The following SGMS1 variants were observed in gnomAD, a reference collection of about 807,000 sequenced individuals.
SGMS1 encodes phosphatidylcholine:ceramide cholinephosphotransferase 1.
SGMS1 carries 13 observed loss-of-function variants against 46.2 expected under a neutral mutation model. The ratio of observed to expected loss-of-function variants is 0.28; its 90% CI spans 0.18 to 0.45. The LOEUF is 0.45. Ranked by LOEUF, SGMS1 falls within the 20% of genes least tolerant of loss-of-function variation. SGMS1 has a pLI of 1.00. For synonymous variants in SGMS1, 203 were observed against 187.8 expected (o/e 1.08, Z -0.66); for missense variants, 324 against 519.9 (o/e 0.62, Z 3.66).
chr10:50,322,756 C>T (rs1320310987), intron 8 of SGMS1, among the ~76,000 whole-genome samples: 7 of 145,148 alleles, frequency 4.8e-5, no homozygotes, highest in South Asian at 2.3e-4. Context: ...GGCGTGAACC[C>T]GGGAAGCGGA....
chr10:50,412,025 G>A (rs570211989), intron 6 of SGMS1, among the ~76,000 whole-genome samples: 1 of 152,286 alleles, frequency 6.6e-6, no homozygotes, highest in South Asian at 2.1e-4. Context: ...TGCCCCTTAT[G>A]CTGGAACTGC....
chr10:50,444,333 T>C (rs1261064367), intron 5 of SGMS1, among the ~76,000 whole-genome samples: 3 of 152,066 alleles, frequency 2.0e-5, no homozygotes, highest in African/African-American at 7.2e-5. Context: ...AAAAGAAGAC[T>C]ACAGACTTAT....
rs77435774 is a variant in SGMS1, at chr10:50,525,015, C to T, written c.-588-5094G>A. 9.7e-3 allele frequency among the ~76,000 whole-genome samples: 1,475 copies of T among 152,160 alleles called. 20 individuals are homozygous for T. Among genetic ancestry groups the T allele is most frequent in the African/African-American group, 0.032 (1,342 of 41,516 alleles). On this transcript the variant is annotated intron_variant, in intron 2 of 10. Transcript: ENST00000361781. ...CAATTTCTAAGAATCAAGTAATATACACATGGCTCAAGCAAAATAATGTTT... is the reference window on the plus strand; with the variant it reads ...CAATTTCTAAGAATCAAGTAATATATACATGGCTCAAGCAAAATAATGTTT...
intron 6 of SGMS1, among the ~76,000 whole-genome samples, chr10:50,381,966 C>T (rs1323203774): frequency 6.6e-6 from 1 of 152,184 alleles, no homozygotes; most frequent in Non-Finnish European, 1.5e-5. Context: ...CACTCTGGGT[C>T]TCTTTCTAGC....
intron 6 of SGMS1, among the ~76,000 whole-genome samples, chr10:50,350,362 C>T (rs1039072184): frequency 2.6e-5 from 4 of 152,182 alleles, no homozygotes; most frequent in Non-Finnish European, 2.9e-5. Context: ...GGAAAATCTG[C>T]AGCCTGACTA....
At chr10:50,544,188 T>C (rs1838079897) in intron 2 of SGMS1, among the ~76,000 whole-genome samples, 2 of 152,226 alleles carry the variant, frequency 1.3e-5, no homozygotes, top group African/African-American at 4.8e-5. Context: ...CTGTCTGAAG[T>C]GCTTCATGAA....
At chr10:50,554,777 A>T (rs1410020825) in intron 2 of SGMS1, among the ~76,000 whole-genome samples, 1 of 152,262 alleles carries the variant, frequency 6.6e-6, no homozygotes, top group African/African-American at 2.4e-5. Context: ...CTACTCCCCC[A>T]ATTGCTAACA....
At chr10:50,320,220 A>C (rs1238340009) in intron 8 of SGMS1, among the ~76,000 whole-genome samples, 1 of 152,006 alleles carries the variant, frequency 6.6e-6, no homozygotes. Flanking sequence ...CTCATCTCTA[A>C]TTCAGAAATC....
intron 6 of SGMS1, among the ~76,000 whole-genome samples, chr10:50,363,178 T>G (rs1439986245): frequency 1.3e-5 from 2 of 152,140 alleles, no homozygotes; most frequent in African/African-American, 4.8e-5. Flanking sequence ...AGATTTTCTT[T>G]TTTAAAAAAA....
At chr10:50,367,628 T>A (rs1218312212) in intron 6 of SGMS1, among the ~76,000 whole-genome samples, 2 of 152,214 alleles carry the variant, frequency 1.3e-5, no homozygotes, top group Non-Finnish European at 2.9e-5. Flanking sequence ...GTCCCTACCC[T>A]TAATGCATTA....
chr10:50,454,050 CAAA>C (rs71846628), intron 5 of SGMS1, among the ~76,000 whole-genome samples: 36 of 98,000 alleles, frequency 3.7e-4, no homozygotes, highest in East Asian at 1.9e-3. Flanking sequence ...TTTACATAGG[CAAA>C]AAAAAAAAAA....
intron 6 of SGMS1, among the ~76,000 whole-genome samples, chr10:50,423,167 G>A (rs61856782): frequency 0.19 from 28,929 of 152,160 alleles, 2,968 homozygotes; most frequent in Admixed American, 0.24. Flanking sequence ...TCCCAGCAAC[G>A]GGAAAGCCAC....
chr10:50,538,510 T>G (rs1838024190), intron 2 of SGMS1, among the ~76,000 whole-genome samples: 1 of 150,560 alleles, frequency 6.6e-6, no homozygotes. Flanking sequence ...TTCAGCATTC[T>G]GGACAGGACA....
chr10:50,467,865 A>C (rs1022568792), intron 3 of SGMS1, among the ~76,000 whole-genome samples: 68 of 152,278 alleles, frequency 4.5e-4, no homozygotes, highest in Non-Finnish European at 6.0e-4. Context: ...TTGGCTGATT[A>C]GTTGATTGTA....
chr10:50,528,193 A>T (rs1837921604), intron 2 of SGMS1, among the ~76,000 whole-genome samples: 1 of 152,232 alleles, frequency 6.6e-6, no homozygotes. Flanking sequence ...ATCAATAAGT[A>T]TGAATTATTA....
chr10:50,345,138 AT>A (rs1455289450), intron 6 of SGMS1, among the ~76,000 whole-genome samples: 23 of 151,732 alleles, frequency 1.5e-4, no homozygotes, highest in African/African-American at 5.1e-4. Context: ...AAAAAAAAAA[AT>A]CAGTGAATCC....
At chr10:50,542,320 T>A (rs983752558) in intron 2 of SGMS1, among the ~76,000 whole-genome samples, 4 of 152,202 alleles carry the variant, frequency 2.6e-5, no homozygotes, top group Non-Finnish European at 5.9e-5. Context: ...AAAAAGATCT[T>A]ACACACATAT....
At chr10:50,445,385 G>C (rs1221735625) in intron 5 of SGMS1, among the ~76,000 whole-genome samples, 1 of 152,172 alleles carries the variant, frequency 6.6e-6, no homozygotes, top group Non-Finnish European at 1.5e-5. Context: ...ATGAAAACTT[G>C]TGAACTTGTG....
intron 7 of SGMS1, among the ~76,000 whole-genome samples, chr10:50,327,661 T>C (rs1847552828): frequency 6.6e-6 from 1 of 152,208 alleles, no homozygotes; most frequent in Non-Finnish European, 1.5e-5. Context: ...TCAGTATCTG[T>C]GGTTAAACAT....
Sources: allele counts gnomAD v4.1 joint callset (sites outside exome capture counted in the v4.1 genomes callset), GRCh38; gene constraint gnomAD v4.1.1; transcripts MANE v1.5; gene names NCBI Gene and HGNC (gene_info 2026-07-23, HGNC 2026-07-21).